The following KIF16B variants were observed in gnomAD, a reference collection of about 807,000 sequenced individuals.
KIF16B encodes kinesin family member 16B, also known as kinesin-like protein KIF16B.
Under a neutral mutation model 156.3 loss-of-function variants are expected in KIF16B, and 98 were observed. The ratio of observed to expected loss-of-function variants is 0.63; its 90% CI spans 0.53 to 0.74. KIF16B has a LOEUF of 0.74. Ranked by LOEUF, KIF16B falls within the 30% of genes least tolerant of loss-of-function variation. KIF16B has a pLI of 0.00. For synonymous variants in KIF16B, 564 were observed against 583.7 expected (o/e 0.97, Z 0.49); for missense variants, 1,421 against 1,606.5 (o/e 0.88, Z 1.97).
chr20:16,338,178 C>A (rs148993478), intron 23 of KIF16B, among the ~76,000 whole-genome samples: 1 of 152,144 alleles, frequency 6.6e-6, no homozygotes, highest in African/African-American at 2.4e-5. Context: ...CCGGCTCTCC[C>A]GTGAGGAAGC....
intron 15 of KIF16B, among the ~76,000 whole-genome samples, chr20:16,421,269 T>C (rs1280554611): frequency 6.6e-6 from 1 of 152,184 alleles, no homozygotes; most frequent in African/African-American, 2.4e-5. Flanking sequence ...CTATATTTAA[T>C]GCTGTTCCCC....
intron 6 of KIF16B, among the ~76,000 whole-genome samples, chr20:16,510,144 G>A (rs1441797354): frequency 6.6e-6 from 1 of 152,058 alleles, no homozygotes; most frequent in African/African-American, 2.4e-5. Flanking sequence ...GTCAGATTCT[G>A]GATGTTTGCT....
chr20:16,545,904 CAA>C (rs374839647), intron 1 of KIF16B, among the ~76,000 whole-genome samples: 1 of 134,758 alleles, frequency 7.4e-6, no homozygotes. Context: ...TGGCAGCTTA[CAA>C]AAAAAAAAAA....
At chr20:16,375,747 ACTC>A (rs2064934721) in intron 19 of KIF16B, among the ~76,000 whole-genome samples, 1 of 151,970 alleles carries the variant, frequency 6.6e-6, no homozygotes, top group Non-Finnish European at 1.5e-5. Context: ...AGTTAAGAAA[ACTC>A]CTGCTGGGGT....
chr20:16,397,263 T>C (rs1313100257), intron 17 of KIF16B, among the ~76,000 whole-genome samples: 2 of 152,234 alleles, frequency 1.3e-5, no homozygotes, highest in Non-Finnish European at 2.9e-5. Flanking sequence ...CTCTCCAATG[T>C]GGAACTAACT....
At chr20:16,362,529 T>C (rs2064570748) in intron 22 of KIF16B, among the ~76,000 whole-genome samples, 1 of 152,164 alleles carries the variant, frequency 6.6e-6, no homozygotes, top group East Asian at 1.9e-4. Flanking sequence ...TTAGCAATAC[T>C]TGGAAATATA....
chr20:16,374,503 A>G, intron 19 of KIF16B, 94 bp from the exon 20 acceptor site: 1 of 1,182,300 alleles, frequency 8.5e-7, no homozygotes, highest in South Asian at 2.5e-5. Context: ...ATGGGGGAAC[A>G]AGATCTGTCC....
At chr20:16,558,897 C>CAAAAAAAAAAAAAAAAAA (rs11478258) in intron 1 of KIF16B, among the ~76,000 whole-genome samples, 1 of 62,062 alleles carries the variant, frequency 1.6e-5, no homozygotes, top group Non-Finnish European at 2.9e-5. Flanking sequence ...GAGCAAGACT[C>CAAAAAAAAAAAAAAAAAA]AAAAAAAAAA....
In KIF16B at chr20:16,512,866, T is replaced by C; in HGVS notation, c.406A>G (p.Thr136Ala). ...AAAGAAGCTTCATCCCATCTGGTGGTTTCATTTATCCGACTGAAGAGTCCT... is the reference window on the plus strand; with the variant it reads ...AAAGAAGCTTCATCCCATCTGGTGGCTTCATTTATCCGACTGAAGAGTCCT... ...CEGLFSRINE[T>A]TRWDEASFRT... The change falls in exon 5 of 26, where the codon ACC (threonine) becomes GCC (alanine). Residue 136 changes from threonine (T) to alanine (A), a missense_variant. By Grantham distance (58) the Thr-to-Ala change is moderately conservative. Transcript: ENST00000354981. 1 of 1,614,052 alleles carries C rather than the reference T, an allele frequency of 6.2e-7. No individual in the cohort carries two copies. The highest frequency in any genetic ancestry group is 1.3e-5 in the African/African-American group (1 of 75,048).
At chr20:16,570,957 C>T (rs910338767) in intron 1 of KIF16B, among the ~76,000 whole-genome samples, 3 of 152,224 alleles carry the variant, frequency 2.0e-5, no homozygotes, top group African/African-American at 7.2e-5. Context: ...TCACCTGAGA[C>T]CTAAACCCAC....
intron 17 of KIF16B, among the ~76,000 whole-genome samples, chr20:16,386,497 A>G (rs1366004359): frequency 6.6e-6 from 1 of 151,842 alleles, no homozygotes. Flanking sequence ...GAACCTGGAG[A>G]TGGTGAATGT....
chr20:16,454,325 T>A (rs1038076465), intron 12 of KIF16B, among the ~76,000 whole-genome samples: 1 of 150,296 alleles, frequency 6.7e-6, no homozygotes, highest in Non-Finnish European at 1.5e-5. Context: ...AGCATACCAG[T>A]TTTAAATTTT....
At chr20:16,297,308 T>TA (rs964407427) in intron 25 of KIF16B, among the ~76,000 whole-genome samples, 65 of 152,212 alleles carry the variant, frequency 4.3e-4, no homozygotes, top group South Asian at 1.9e-3. Flanking sequence ...TGTGAAGTGG[T>TA]AAAAAAAGCA....
rs139205299 is a variant in KIF16B at position 16,353,585 on chromosome 20, G to T, written c.3621+2745C>A. Reference sequence around the variant, plus strand: ...TCCTCATACCAACCCAATGAGGGGGGGGTTTATGATTCCCATTTGACAGGT... The same window carrying T: ...TCCTCATACCAACCCAATGAGGGGGTGGTTTATGATTCCCATTTGACAGGT... On this transcript the variant is annotated intron_variant, in intron 23 of 25. Coordinates refer to ENST00000354981, the MANE Select transcript of KIF16B (RefSeq NM_024704.5). Among the ~76,000 whole-genome samples the T allele has an allele frequency of 1.2e-4, 19 of 152,274 alleles. No individual in the cohort carries two copies. The East Asian group carries it at 2.7e-3, about 22-fold the overall frequency.
chr20:16,283,340 G>A (rs1000382846), intron 25 of KIF16B, among the ~76,000 whole-genome samples: 4 of 152,188 alleles, frequency 2.6e-5, no homozygotes, highest in Admixed American at 2.6e-4. Context: ...CAATCCTAGT[G>A]TGCCTCCCTC....
chr20:16,551,048 G>C (rs955686864), intron 1 of KIF16B, among the ~76,000 whole-genome samples: 17 of 151,948 alleles, frequency 1.1e-4, no homozygotes, highest in African/African-American at 4.1e-4. Context: ...ACCCAGCTAG[G>C]AGCACATTAG....
chr20:16,467,504 A>G (rs1399356457), intron 12 of KIF16B, among the ~76,000 whole-genome samples: 2 of 152,226 alleles, frequency 1.3e-5, no homozygotes, highest in African/African-American at 4.8e-5. Context: ...TTTTTAAACT[A>G]TGATTAATAC....
chr20:16,353,295 A>G (rs1055679746), intron 23 of KIF16B, among the ~76,000 whole-genome samples: 9 of 152,200 alleles, frequency 5.9e-5, no homozygotes, highest in African/African-American at 2.2e-4. Flanking sequence ...AAATGTCCAA[A>G]TGACTGAGAG....
intron 24 of KIF16B, among the ~76,000 whole-genome samples, chr20:16,313,601 C>T (rs926137433): frequency 2.0e-5 from 3 of 152,192 alleles, no homozygotes; most frequent in African/African-American, 7.2e-5. Context: ...CTCACCCCTA[C>T]AAAAGTTAAC....
Sources: allele counts gnomAD v4.1 joint callset (sites outside exome capture counted in the v4.1 genomes callset), GRCh38; gene constraint gnomAD v4.1.1; transcripts MANE v1.5; gene names NCBI Gene and HGNC (gene_info 2026-07-23, HGNC 2026-07-21).